The following NELL1 variants were observed in gnomAD, a reference collection of about 807,000 sequenced individuals.
NELL1 encodes protein kinase C-binding protein NELL1.
In NELL1, 76 loss-of-function variants were observed where a neutral mutation model predicts 107.4. The ratio of observed to expected loss-of-function variants is 0.71; its 90% confidence interval spans 0.59 to 0.86. NELL1 has a LOEUF of 0.86. Ranked by LOEUF, NELL1 falls within the 40% of genes least tolerant of loss-of-function variation. NELL1 has a pLI of 0.00. For missense variants in NELL1, 1,024 were observed against 1,005.5 expected (o/e 1.02, Z -0.25); for synonymous variants, 353 against 341.2 (o/e 1.03, Z -0.38).
chr11:21,232,747 G>T (rs181582705), intron 14 of NELL1, among the ~76,000 whole-genome samples: 1 of 152,044 alleles, frequency 6.6e-6, no homozygotes, highest in Non-Finnish European at 1.5e-5. Flanking sequence ...TCTGCCTCCC[G>T]GCTTCAAGCG....
intron 3 of NELL1, among the ~76,000 whole-genome samples, chr11:20,808,136 G>A (rs900078985): frequency 6.6e-6 from 1 of 152,174 alleles, no homozygotes. Context: ...CCTCATAGCT[G>A]TGAATGTGCT....
intron 16 of NELL1, among the ~76,000 whole-genome samples, chr11:21,559,901 G>A (rs1189893895): frequency 6.6e-6 from 1 of 152,088 alleles, no homozygotes; most frequent in Non-Finnish European, 1.5e-5. Flanking sequence ...GGAGCTAGCT[G>A]TAGATTTGGG....
At chr11:21,342,504 C>T (rs1284836091) in intron 14 of NELL1, among the ~76,000 whole-genome samples, 1 of 151,112 alleles carries the variant, frequency 6.6e-6, no homozygotes, top group Admixed American at 6.6e-5. Context: ...AATTAGCAGG[C>T]ATGGTGGCAT....
intron 14 of NELL1, among the ~76,000 whole-genome samples, chr11:21,333,778 G>A (rs1240328875): frequency 6.6e-6 from 1 of 152,008 alleles, no homozygotes; most frequent in Non-Finnish European, 1.5e-5. Context: ...TGCTGTCCCT[G>A]GCTTATCTAT....
intron 4 of NELL1, among the ~76,000 whole-genome samples, chr11:20,881,460 C>T (rs764480971): frequency 9.9e-5 from 15 of 152,150 alleles, no homozygotes; most frequent in Non-Finnish European, 1.3e-4. Flanking sequence ...CGGTGTCACT[C>T]ACAAGCTGCT....
intron 15 of NELL1, among the ~76,000 whole-genome samples, chr11:21,525,053 A>G (rs1164421878): frequency 2.6e-5 from 4 of 152,200 alleles, no homozygotes; most frequent in African/African-American, 4.8e-5. Context: ...GCTTAGAGAT[A>G]TAGATCAGAG....
intron 14 of NELL1, chr11:21,260,446 G>A (rs746719291): frequency 6.6e-6 from 1 of 151,878 alleles, no homozygotes; most frequent in African/African-American, 2.4e-5. Context: ...GCTCTTCAGT[G>A]GCTTAGAGCA....
At chr11:21,516,425 TAAC>T (rs1855563790) in intron 15 of NELL1, among the ~76,000 whole-genome samples, 1 of 152,070 alleles carries the variant, frequency 6.6e-6, no homozygotes, top group South Asian at 2.1e-4. Context: ...ACCCATTGCT[TAAC>T]AACAGGGATA....
intron 14 of NELL1, among the ~76,000 whole-genome samples, chr11:21,273,780 G>C (rs1848793340): frequency 1.3e-5 from 2 of 152,136 alleles, no homozygotes; most frequent in African/African-American, 2.4e-5. Flanking sequence ...TTTCAACCCA[G>C]AATTTCATAT....
At chr11:20,840,023 T>A (rs527573218) in intron 3 of NELL1, among the ~76,000 whole-genome samples, 1 of 152,326 alleles carries the variant, frequency 6.6e-6, no homozygotes, top group East Asian at 1.9e-4. Context: ...AATAGATTAA[T>A]GAGAAAGGTA....
chr11:21,566,242 T>C (rs1042397768), intron 17 of NELL1, among the ~76,000 whole-genome samples: 4 of 151,926 alleles, frequency 2.6e-5, no homozygotes, highest in African/African-American at 9.7e-5. Flanking sequence ...AGAAATAATC[T>C]GACCTACGTC....
chr11:21,416,245 G>A (rs1852517452), intron 15 of NELL1, among the ~76,000 whole-genome samples: 1 of 152,068 alleles, frequency 6.6e-6, no homozygotes, highest in Admixed American at 6.6e-5. Context: ...AAAAGACAGA[G>A]TTTTTAAAAA....
chr11:21,104,073 A>G (rs976129741), intron 12 of NELL1, among the ~76,000 whole-genome samples: 1 of 152,098 alleles, frequency 6.6e-6, no homozygotes, highest in Admixed American at 6.6e-5. Context: ...TAGCTTTTAC[A>G]TTTCTAGGGT....
chr11:21,457,957 C>T (rs1853791092), intron 15 of NELL1, among the ~76,000 whole-genome samples: 1 of 151,976 alleles, frequency 6.6e-6, no homozygotes, highest in African/African-American at 2.4e-5. Context: ...GTTAGAAGGT[C>T]AGAGGTGACA....
chr11:21,382,942 A>G (rs183940857), intron 15 of NELL1, among the ~76,000 whole-genome samples: 2 of 152,068 alleles, frequency 1.3e-5, no homozygotes, highest in African/African-American at 4.8e-5. Context: ...ATAAATAGGA[A>G]GAAAATCTAG....
At chr11:21,271,548 T>G (rs1230629354) in intron 14 of NELL1, among the ~76,000 whole-genome samples, 1 of 152,174 alleles carries the variant, frequency 6.6e-6, no homozygotes, top group Non-Finnish European at 1.5e-5. Flanking sequence ...ACCAAACATT[T>G]ATGAAAGAAA....
At position 20,669,748 on chromosome 11, in the gene NELL1, G is replaced by T. The variant is rs1386420895; in HGVS notation, c.25G>T (p.Val9Leu). 3.1e-6 allele frequency: 5 copies of T among 1,613,696 alleles called. No homozygotes were observed. Among genetic ancestry groups the T allele is most frequent in the Non-Finnish European group, 3.4e-6 (4 of 1,179,778 alleles). The change falls in exon 1 of 20, where the codon GTG becomes TTG. Residue 9 changes from valine (V) to leucine (L), a missense_variant. Val to Leu is a conservative substitution (Grantham distance 32, BLOSUM62 1). Coordinates refer to ENST00000357134, the MANE Select transcript of NELL1 (RefSeq NM_006157.5). This position sits in a 1 kb window ranked among gnomAD's most constrained non-coding sequence, Gnocchi z 4.4. MPMDLILVVWFCVCTARTV... is the reference protein window; with the variant it reads MPMDLILVLWFCVCTARTV... ...GATGCCGATGGATTTGATTTTAGTT[G>T]TGTGGTTCTGTGTGTGCACTGCCAG...
intron 3 of NELL1, among the ~76,000 whole-genome samples, chr11:20,818,100 GT>G (rs1857663409): frequency 6.6e-6 from 1 of 152,062 alleles, no homozygotes; most frequent in Non-Finnish European, 1.5e-5. Context: ...ATGTCTATTA[GT>G]TTCAATCAGT....
rs1397695346 is a variant in NELL1, at chr11:21,242,784, C to A, written c.1549+13330C>A. On this transcript the variant is annotated intron_variant, in intron 14 of 19. Transcript: ENST00000357134. ...AAAGACAGTTGCTTTTTATCTAAGC[C>A]TCTGATGCTGCCAGTTTTAAGGAAA... is the stretch of plus-strand genomic sequence containing the variant. Among the ~76,000 whole-genome samples the A allele has an allele frequency of 2.0e-5, 3 of 152,080 alleles. No individual in the cohort carries two copies. In the East Asian group the frequency reaches 5.8e-4, roughly 29 times the overall value.
Sources: gnomAD v4.1 joint callset for allele counts (sites outside exome capture counted in the v4.1 genomes callset) on GRCh38, gnomAD v4.1.1 for gene constraint, Gnocchi (gnomAD v3.1) non-coding constraint, MANE v1.5 for transcripts, NCBI Gene and HGNC (gene_info 2026-07-23, HGNC 2026-07-21) for gene names.